Variants in CTTNBP2 observed in about 807,000 individuals in gnomAD.
CTTNBP2 encodes cortactin-binding protein 2.
A neutral mutation model predicts 156.9 loss-of-function variants in CTTNBP2; 108 were observed. The ratio of observed to expected loss-of-function variants is 0.69; its 90% CI spans 0.59 to 0.81. The LOEUF (loss-of-function observed/expected upper bound fraction) is 0.81. CTTNBP2 is among the 30% of genes least tolerant of loss of function. The pLI, the probability that CTTNBP2 is intolerant of heterozygous loss-of-function variation, is 0.00. For missense variants in CTTNBP2, 1,924 were observed against 2,035.4 expected (o/e 0.95, Z 1.05); for synonymous variants, 767 against 751.8 (o/e 1.02, Z -0.33).
rs575641271 is a variant in CTTNBP2, at chr7:117,728,046, C to T, written c.4055+43G>A. ...CACCCTCAAACATCTGAATTGGCCACGTCTCTATCATAAGCAGAAAGATAA... is the reference window on the plus strand; with the variant it reads ...CACCCTCAAACATCTGAATTGGCCATGTCTCTATCATAAGCAGAAAGATAA... On this transcript the variant is annotated intron_variant, in intron 17 of 22. Coordinates refer to ENST00000160373, the MANE Select transcript of CTTNBP2 (RefSeq NM_033427.3). 8.9e-6 allele frequency: 14 copies of T among 1,565,678 alleles called. No homozygotes were observed. The Admixed American group carries it at 1.1e-4, about 12-fold the overall frequency.
chr7:117,717,048 T>C (rs1794439509), intron 22 of CTTNBP2, among the ~76,000 whole-genome samples: 1 of 152,268 alleles, frequency 6.6e-6, no homozygotes, highest in South Asian at 2.1e-4. Flanking sequence ...AAACCATATA[T>C]TACAAAGTGC....
At chr7:117,861,398 GT>G (rs869298623) in intron 1 of CTTNBP2, 82 bp from the exon 2 acceptor site, 1 of 968,034 alleles carries the variant, frequency 1.0e-6, no homozygotes, top group Non-Finnish European at 1.6e-6. Context: ...CAATGAATCA[GT>G]TTTATCCCAG....
intron 3 of CTTNBP2, among the ~76,000 whole-genome samples, chr7:117,809,383 T>C (rs1408144143): frequency 6.6e-6 from 1 of 152,208 alleles, no homozygotes; most frequent in Non-Finnish European, 1.5e-5. Flanking sequence ...GCAGAAATAA[T>C]TTATTATGAA....
At chr7:117,728,290 C>T (rs375834056) in intron 16 of CTTNBP2, 23 bp from the exon 17 acceptor site, 26 of 1,569,722 alleles carry the variant, frequency 1.7e-5, no homozygotes, top group Middle Eastern at 3.5e-4. Context: ...GGAGGTGGAA[C>T]CCAGGGGCTT....
chr7:117,804,777 G>C (rs1799834514), intron 3 of CTTNBP2, among the ~76,000 whole-genome samples: 1 of 152,206 alleles, frequency 6.6e-6, no homozygotes, highest in South Asian at 2.1e-4. Context: ...TTGGGGCATG[G>C]CAGGGGTAGA....
chr7:117,801,227 A>C (rs908564385), intron 3 of CTTNBP2, among the ~76,000 whole-genome samples: 1 of 152,248 alleles, frequency 6.6e-6, no homozygotes, highest in Non-Finnish European at 1.5e-5. Context: ...TTAATGAATA[A>C]GATATTTAAA....
At chr7:117,830,930 T>C (rs902320652) in intron 2 of CTTNBP2, among the ~76,000 whole-genome samples, 1 of 152,294 alleles carries the variant, frequency 6.6e-6, no homozygotes, top group African/African-American at 2.4e-5. Context: ...AGAATCCTCT[T>C]GGCTAGAAAA....
intron 2 of CTTNBP2, among the ~76,000 whole-genome samples, chr7:117,837,473 T>C (rs1447322404): frequency 1.3e-5 from 2 of 152,190 alleles, no homozygotes; most frequent in Non-Finnish European, 2.9e-5. Flanking sequence ...CCTCTCTTAG[T>C]TGAGAAAATA....
intron 16 of CTTNBP2, among the ~76,000 whole-genome samples, chr7:117,732,461 T>C (rs1168003180): frequency 6.6e-6 from 1 of 151,092 alleles, no homozygotes; most frequent in Non-Finnish European, 1.5e-5. Context: ...CCATCCTGGC[T>C]AACATGGTGA....
intron 12 of CTTNBP2, among the ~76,000 whole-genome samples, chr7:117,755,946 G>A (rs564752291): frequency 3.9e-5 from 6 of 152,154 alleles, no homozygotes; most frequent in African/African-American, 1.4e-4. Flanking sequence ...AAGTGAGAGT[G>A]GGAGTGGTGA....
chr7:117,745,887 G>T lies in CTTNBP2; in HGVS notation c.3479C>A (p.Ala1160Asp), dbSNP rs376011404. The change falls in exon 14 of 23, where the codon GCT becomes GAT. Residue 1160 changes from alanine to aspartate, a missense_variant. Physicochemically the swap from Ala to Asp is moderately radical, Grantham distance 126. Coordinates refer to ENST00000160373, the MANE Select transcript of CTTNBP2 (RefSeq NM_033427.3). ...AAGFSCEIVR[A>D]EVDAGFSKEQ... ...CTTGGAAAAACCAGCATCTACTTCAGCTCTCACTATTTCACAGGAGAATCC... is the reference window on the plus strand; with the variant it reads ...CTTGGAAAAACCAGCATCTACTTCATCTCTCACTATTTCACAGGAGAATCC... 1 of 1,614,002 alleles carries T rather than the reference G, an allele frequency of 6.2e-7. No homozygotes were observed. Among genetic ancestry groups the T allele is most frequent in the African/African-American group, 1.3e-5 (1 of 74,926 alleles).
rs34150125 is a variant in CTTNBP2 at position 117,728,069 on chromosome 7, T to C, written c.4055+20A>G. 2,480 of 1,605,392 alleles carry C rather than the reference T, an allele frequency of 1.5e-3. 23 individuals are homozygous for C. The African/African-American group carries it at 0.027, about 17-fold the overall frequency. On this transcript the variant is annotated intron_variant, in intron 17 of 22. Transcript: ENST00000160373. ...CACGTCTCTATCATAAGCAGAAAGA[T>C]AAGGAAAAATGGCACTTACTTCACT...
chr7:117,785,146 C>G (rs924804027), intron 4 of CTTNBP2, among the ~76,000 whole-genome samples: 14 of 152,278 alleles, frequency 9.2e-5, no homozygotes, highest in Admixed American at 2.6e-4. Flanking sequence ...ATCTGGCCAC[C>G]TTTACAAAAT....
rs116645299 is a variant in CTTNBP2, at chr7:117,805,428, C to G, written c.414+5337G>C. Among the ~76,000 whole-genome samples, 259 of 152,264 alleles carry G rather than the reference C, an allele frequency of 1.7e-3. 1 individual carries two copies. Among genetic ancestry groups the G allele is most frequent in the African/African-American group, 6.0e-3 (250 of 41,560 alleles). ...GTATGTGGACTCTGAAGGCAGACTG[C>G]TTGTCTTCAAGCCAATGGGCACAGC... On this transcript the variant is annotated intron_variant, in intron 3 of 22. Coordinates refer to ENST00000160373, the MANE Select transcript of CTTNBP2 (RefSeq NM_033427.3).
At chr7:117,726,162 C>A (rs1373051446) in intron 17 of CTTNBP2, among the ~76,000 whole-genome samples, 1 of 152,088 alleles carries the variant, frequency 6.6e-6, no homozygotes, top group Non-Finnish European at 1.5e-5. Flanking sequence ...GCACTCAATG[C>A]CAATTAAAAT....
intron 3 of CTTNBP2, among the ~76,000 whole-genome samples, chr7:117,799,134 C>T (rs556790975): frequency 6.0e-4 from 91 of 151,744 alleles, no homozygotes; most frequent in African/African-American, 2.1e-3. Flanking sequence ...AAACTTACAC[C>T]CTTTCAGAAA....
intron 22 of CTTNBP2, chr7:117,712,382 T>C (rs945664371): frequency 2.0e-5 from 3 of 152,260 alleles, no homozygotes; most frequent in Non-Finnish European, 2.9e-5. Context: ...ATTTTGCCCA[T>C]GAAGAATCTG....
At chr7:117,871,979 A>T in intron 1 of CTTNBP2, 1 of 985,048 alleles carries the variant, frequency 1.0e-6, no homozygotes, top group Non-Finnish European at 1.2e-6. Flanking sequence ...TAGTTTCCTT[A>T]CTGTGCCCCA....
At chr7:117,823,649 G>A (rs185183328) in intron 2 of CTTNBP2, among the ~76,000 whole-genome samples, 8 of 152,250 alleles carry the variant, frequency 5.3e-5, no homozygotes, top group African/African-American at 1.9e-4. Flanking sequence ...GTCCTTTGAT[G>A]CCCCAGCCAA....
Sources: gnomAD v4.1 joint callset for allele counts (sites outside exome capture counted in the v4.1 genomes callset) on GRCh38, gnomAD v4.1.1 for gene constraint, MANE v1.5 for transcripts, NCBI Gene and HGNC (gene_info 2026-07-23, HGNC 2026-07-21) for gene names.